The following PATJ variants were observed in gnomAD, a reference collection of about 807,000 sequenced individuals.
The protein encoded by PATJ is inaD-like protein.
A neutral mutation model predicts 224.9 loss-of-function variants in PATJ; 190 were observed. The ratio of observed to expected loss-of-function variants is 0.84; its 90% CI spans 0.75 to 0.95. The LOEUF (loss-of-function observed/expected upper bound fraction) is 0.95. Ranked by LOEUF, PATJ falls within the 40% of genes least tolerant of loss-of-function variation. The probability of loss-of-function intolerance (pLI) is 0.00; values close to 1 mark genes in which losing one functional copy is unlikely to be tolerated. For synonymous variants in PATJ, 769 were observed against 820.3 expected (o/e 0.94, Z 1.07); for missense variants, 2,121 against 2,270.3 (o/e 0.93, Z 1.34).
chr1:61,813,212 C>T (rs528252291), intron 14 of PATJ, among the ~76,000 whole-genome samples: 7 of 151,448 alleles, frequency 4.6e-5, no homozygotes, highest in African/African-American at 1.5e-4. Context: ...ACTTTGTGTA[C>T]ATTTTTGAAG....
At chr1:61,898,580 T>C (rs1473252389) in intron 22 of PATJ, among the ~76,000 whole-genome samples, 2 of 152,102 alleles carry the variant, frequency 1.3e-5, no homozygotes, top group African/African-American at 4.8e-5. Flanking sequence ...AGTGCCTAGA[T>C]TTTTGTATAG....
intron 30 of PATJ, chr1:62,038,890 TCC>T: frequency 8.2e-6 from 7 of 850,756 alleles, no homozygotes; most frequent in Non-Finnish European, 1.0e-5. Flanking sequence ...GAAGAATCCC[TCC>T]ATTGTTGGAG....
intron 24 of PATJ, among the ~76,000 whole-genome samples, chr1:61,904,457 G>A (rs529768239): frequency 1.3e-5 from 2 of 152,276 alleles, no homozygotes; most frequent in East Asian, 3.9e-4. Flanking sequence ...AGTTATTCAT[G>A]CATTGATTTG....
intron 41 of PATJ, among the ~76,000 whole-genome samples, chr1:62,143,633 A>T (rs1667727537): frequency 6.6e-6 from 1 of 151,908 alleles, no homozygotes; most frequent in Non-Finnish European, 1.5e-5. Context: ...TATATTTAGT[A>T]GAGACCAGAT....
chr1:61,950,160 CGCTGCT>C (rs779531328), intron 27 of PATJ, among the ~76,000 whole-genome samples: 3 of 152,160 alleles, frequency 2.0e-5, no homozygotes, highest in African/African-American at 2.4e-5. Flanking sequence ...GCCGAGATCA[CGCTGCT>C]GCACTCCAGC....
At chr1:62,041,610 G>T (rs1651488026) in intron 30 of PATJ, among the ~76,000 whole-genome samples, 1 of 152,184 alleles carries the variant, frequency 6.6e-6, no homozygotes. Flanking sequence ...GAGCAACTGG[G>T]TAGATAGTGG....
At chr1:61,815,920 A>C (rs1176988003) in intron 14 of PATJ, among the ~76,000 whole-genome samples, 1 of 152,176 alleles carries the variant, frequency 6.6e-6, no homozygotes, top group African/African-American at 2.4e-5. Context: ...GTTTACTATT[A>C]AGATAATAAC....
chr1:62,006,706 C>T (rs1397507403), intron 28 of PATJ, among the ~76,000 whole-genome samples: 1 of 152,054 alleles, frequency 6.6e-6, no homozygotes, highest in African/African-American at 2.4e-5. Flanking sequence ...TTGTCTTCCC[C>T]CACTACAGTA....
At chr1:62,135,061 T>C (rs1666682948) in intron 41 of PATJ, among the ~76,000 whole-genome samples, 1 of 152,140 alleles carries the variant, frequency 6.6e-6, no homozygotes, top group African/African-American at 2.4e-5. Context: ...CATAATAAAA[T>C]CACTGATTTT....
At chr1:62,049,373 T>C (rs1653171250) in intron 30 of PATJ, among the ~76,000 whole-genome samples, 1 of 152,096 alleles carries the variant, frequency 6.6e-6, no homozygotes. Flanking sequence ...CAATATTGAA[T>C]GTTCTTTTCC....
chr1:61,943,341 A>T (rs1483292647), intron 27 of PATJ, among the ~76,000 whole-genome samples: 1 of 152,132 alleles, frequency 6.6e-6, no homozygotes. Context: ...TCCCTTTCCT[A>T]GCAAAGGAAA....
chr1:62,037,400 G>A (rs952349488), intron 29 of PATJ, among the ~76,000 whole-genome samples: 1 of 151,914 alleles, frequency 6.6e-6, no homozygotes, highest in Non-Finnish European at 1.5e-5. Context: ...TACTCCATTG[G>A]GATGAGGAGG....
chr1:61,790,757 A>C (rs1649678615), intron 8 of PATJ, among the ~76,000 whole-genome samples: 2 of 151,592 alleles, frequency 1.3e-5, no homozygotes, highest in Admixed American at 1.3e-4. Context: ...CAGGTGATCC[A>C]CCCACCTCAG....
At chr1:62,114,600 T>C (rs1010519192) in intron 35 of PATJ, 38 of 194,840 alleles carry the variant, frequency 2.0e-4, no homozygotes, top group Admixed American at 1.6e-3. Flanking sequence ...TTATCCAATG[T>C]TGGGTCAAGA....
chr1:61,775,672 A>G (rs926510781), intron 7 of PATJ, among the ~76,000 whole-genome samples: 1 of 152,210 alleles, frequency 6.6e-6, no homozygotes, highest in Non-Finnish European at 1.5e-5. Flanking sequence ...GATGACCTAA[A>G]TGTTAAAATC....
chr1:62,019,692 C>T (rs763645585), intron 29 of PATJ, among the ~76,000 whole-genome samples: 2 of 151,816 alleles, frequency 1.3e-5, no homozygotes, highest in Non-Finnish European at 2.9e-5. Flanking sequence ...CTCTGTTAGA[C>T]ACCAGTCTCC....
At chr1:62,065,400 C>G (rs1232939182) in intron 31 of PATJ, among the ~76,000 whole-genome samples, 1 of 152,136 alleles carries the variant, frequency 6.6e-6, no homozygotes, top group African/African-American at 2.4e-5. Context: ...CACCTGATTT[C>G]AGGAGTTTGA....
At chr1:62,064,365 C>T (rs1317336973) in intron 31 of PATJ, among the ~76,000 whole-genome samples, 1 of 150,234 alleles carries the variant, frequency 6.7e-6, no homozygotes, top group African/African-American at 2.5e-5. Flanking sequence ...TACTCTGATG[C>T]CCAGGCTGGA....
intron 28 of PATJ, among the ~76,000 whole-genome samples, chr1:62,005,668 G>T (rs1270567680): frequency 6.6e-6 from 1 of 152,074 alleles, no homozygotes; most frequent in African/African-American, 2.4e-5. Context: ...TGAGGTGGGA[G>T]TATTCCTTGA....
Sources: allele counts gnomAD v4.1 joint callset (sites outside exome capture counted in the v4.1 genomes callset), GRCh38; gene constraint gnomAD v4.1.1; transcripts MANE v1.5; gene names NCBI Gene and HGNC (gene_info 2026-07-23, HGNC 2026-07-21).